RBMS2: variants seen among roughly 807,000 people sequenced by gnomAD.
RBMS2 encodes the protein RNA-binding motif, single-stranded-interacting protein 2.
A neutral mutation model predicts 58.4 loss-of-function variants in RBMS2; 38 were observed. That is an observed-to-expected ratio of 0.65 (90% CI 0.50 to 0.85). The LOEUF is 0.85. Among genes scored for constraint, RBMS2 ranks in the 40% least tolerant of loss-of-function variants. The pLI, the probability that RBMS2 is intolerant of heterozygous loss-of-function variation, is 0.00. For synonymous variants in RBMS2, 151 were observed against 180.7 expected (o/e 0.84, Z 1.32); for missense variants, 367 against 503.7 (o/e 0.73, Z 2.60).
Position 56,582,051 on chromosome 12 carries a change from T to C in RBMS2, c.780-8T>C, listed in dbSNP as rs775638973. 1.3e-6 allele frequency: 2 copies of C among 1,598,696 alleles called. No homozygotes were observed. Among genetic ancestry groups the C allele is most frequent in the Non-Finnish European group, 1.7e-6 (2 of 1,170,774 alleles). ...TGACTCAGTACTGATTGAGGTTCCT[T>C]CCCACAGGTTTTACCCAGCCCCCTA... is the stretch of plus-strand genomic sequence containing the variant. On this transcript the variant is annotated splice_region_variant and splice_polypyrimidine_tract_variant and intron_variant, in intron 8 of 13. Transcript: ENST00000262031.
At chr12:56,538,769 C>CGCA (rs935342577) in intron 1 of RBMS2, among the ~76,000 whole-genome samples, 4 of 151,970 alleles carry the variant, frequency 2.6e-5, no homozygotes, top group African/African-American at 9.7e-5. Context: ...CGTGAGCCAC[C>CGCA]GCACCTGGCC....
At chr12:56,582,216 T>A in intron 9 of RBMS2, 64 bp downstream of exon 9, 1 of 1,390,208 alleles carries the variant, frequency 7.2e-7, no homozygotes, top group Non-Finnish European at 1.0e-6. Flanking sequence ...AGTGAAGTAA[T>A]ATAAGGCTAG....
chr12:56,555,903 A>G (rs1200329481), intron 1 of RBMS2, among the ~76,000 whole-genome samples: 1 of 151,986 alleles, frequency 6.6e-6, no homozygotes, highest in Admixed American at 6.6e-5. Context: ...AAAATTAGCC[A>G]TGTGTGGTGG....
At position 56,531,734 on chromosome 12, in the gene RBMS2, G is replaced by A. The variant is rs192979243; in HGVS notation, c.66+9645G>A. Reference sequence around the variant, plus strand: ...TCCCAGCTACTTGGAAGGCTGAGGCGAGGAACCTGGGAGACAGAGGCTGCA... The same window carrying A: ...TCCCAGCTACTTGGAAGGCTGAGGCAAGGAACCTGGGAGACAGAGGCTGCA... On this transcript the variant is annotated intron_variant, in intron 1 of 13. Transcript: ENST00000262031. Among the ~76,000 whole-genome samples, 545 of 149,982 alleles carry A rather than the reference G, an allele frequency of 3.6e-3. 4 individuals are homozygous for A. Among genetic ancestry groups the A allele is most frequent in the African/African-American group, 0.013 (513 of 40,798 alleles).
intron 1 of RBMS2, among the ~76,000 whole-genome samples, chr12:56,533,714 C>A (rs1874240000): frequency 6.6e-6 from 1 of 152,078 alleles, no homozygotes; most frequent in African/African-American, 2.4e-5. Context: ...CTGCGCCCAG[C>A]AGCCCTGTTA....
intron 2 of RBMS2, among the ~76,000 whole-genome samples, chr12:56,563,922 G>GT (rs1163130399): frequency 6.6e-6 from 1 of 152,156 alleles, no homozygotes; most frequent in Non-Finnish European, 1.5e-5. Flanking sequence ...AGAAATGTTG[G>GT]TTTTTGAGGG....
intron 1 of RBMS2, among the ~76,000 whole-genome samples, chr12:56,557,811 T>C (rs1297179367): frequency 1.3e-5 from 2 of 150,160 alleles, no homozygotes; most frequent in African/African-American, 4.9e-5. Flanking sequence ...CGATGTCAGC[T>C]CACCGCAACC....
intron 1 of RBMS2, among the ~76,000 whole-genome samples, chr12:56,542,236 C>CT (rs57874183): frequency 0.58 from 86,618 of 149,920 alleles, 25,848 homozygotes; most frequent in East Asian, 0.71. Context: ...ATTTTTCTTT[C>CT]TTTTTTTTTG....
chr12:56,557,722 C>A (rs1204504062), intron 1 of RBMS2, among the ~76,000 whole-genome samples: 1 of 151,168 alleles, frequency 6.6e-6, no homozygotes, highest in Non-Finnish European at 1.5e-5. Flanking sequence ...AACCAATAGC[C>A]TCTTTTTTCT....
In RBMS2 at chr12:56,521,989, CT is replaced by C; in HGVS notation, c.-34del. 9.1e-7 allele frequency: 1 copy of C among 1,098,292 alleles called. No homozygotes were observed. The highest frequency in any genetic ancestry group is 1.3e-6 in the Non-Finnish European group (1 of 760,270). 68.0% of individuals were successfully genotyped at this position (1,098,292 alleles called of 1,614,324 possible). On this transcript the variant is annotated 5_prime_UTR_variant, in exon 1 of 14. Transcript: ENST00000262031. ...TTACCCCCTCCCTTTCTCTCTCTCTCTCTCTCTCGCTCGTTCCCTAACATTA... is the reference window on the plus strand; with the variant it reads ...TTACCCCCTCCCTTTCTCTCTCTCTCCTCTCTCGCTCGTTCCCTAACATTA...
chr12:56,528,440 G>A (rs1411719306), intron 1 of RBMS2, among the ~76,000 whole-genome samples: 1 of 151,924 alleles, frequency 6.6e-6, no homozygotes, highest in Non-Finnish European at 1.5e-5. Flanking sequence ...AGTATAGATG[G>A]TATATATACA....
At chr12:56,552,268 G>C (rs1436326223) in intron 1 of RBMS2, among the ~76,000 whole-genome samples, 2 of 152,218 alleles carry the variant, frequency 1.3e-5, no homozygotes, top group African/African-American at 4.8e-5. Context: ...GTAGTCTCAA[G>C]GCTGGGGCTT....
chr12:56,532,369 T>G (rs1417973575), intron 1 of RBMS2, among the ~76,000 whole-genome samples: 2 of 151,686 alleles, frequency 1.3e-5, no homozygotes, highest in Non-Finnish European at 2.9e-5. Flanking sequence ...ATGGTGAAAC[T>G]CCGTCTCTAC....
chr12:56,549,396 C>T (rs1316296579), intron 1 of RBMS2, among the ~76,000 whole-genome samples: 1 of 151,966 alleles, frequency 6.6e-6, no homozygotes, highest in Non-Finnish European at 1.5e-5. Context: ...TGATGAAAAC[C>T]TAGTGATTGG....
chr12:56,582,262 T>G, intron 9 of RBMS2, 110 bp downstream of exon 9: 2 of 923,592 alleles, frequency 2.2e-6, no homozygotes, highest in Non-Finnish European at 3.3e-6. Context: ...TTTAATCATA[T>G]TACACACAAT....
At chr12:56,524,401 G>T (rs2136225030) in intron 1 of RBMS2, among the ~76,000 whole-genome samples, 1 of 149,014 alleles carries the variant, frequency 6.7e-6, no homozygotes, top group East Asian at 2.0e-4. Flanking sequence ...AACGTGGAGG[G>T]TTTTCATATT....
chr12:56,582,705 G>C (rs1161613166), intron 9 of RBMS2, among the ~76,000 whole-genome samples: 1 of 152,310 alleles, frequency 6.6e-6, no homozygotes, highest in African/African-American at 2.4e-5. Context: ...GTCTCCCTCT[G>C]TTGCCCAGGC....
chr12:56,560,247 C>G (rs1214853503), intron 1 of RBMS2, among the ~76,000 whole-genome samples: 1 of 148,398 alleles, frequency 6.7e-6, no homozygotes, highest in East Asian at 2.0e-4. Flanking sequence ...ATATATTTAT[C>G]ACAACCTTCA....
chr12:56,563,666 G>A (rs149857087), intron 2 of RBMS2, among the ~76,000 whole-genome samples: 225 of 152,228 alleles, frequency 1.5e-3, no homozygotes, highest in Non-Finnish European at 2.7e-3. Flanking sequence ...GGCCGGGCGT[G>A]GTGGCTCACA....
Sources: gnomAD v4.1 joint callset for allele counts (sites outside exome capture counted in the v4.1 genomes callset) on GRCh38, gnomAD v4.1.1 for gene constraint, MANE v1.5 for transcripts, NCBI Gene and HGNC (gene_info 2026-07-23, HGNC 2026-07-21) for gene names.